SDK1: variants seen among roughly 807,000 people sequenced by gnomAD.
SDK1 encodes the protein protein sidekick-1.
In SDK1, 157 loss-of-function variants were observed where a neutral mutation model predicts 245.5. That is an observed-to-expected ratio of 0.64 (90% CI 0.56 to 0.73). The LOEUF (loss-of-function observed/expected upper bound fraction) is 0.73, where lower values mean the gene tolerates loss of function less well. Among genes scored for constraint, SDK1 ranks in the 30% least tolerant of loss-of-function variants. The pLI is 0.00. For synonymous variants in SDK1, 1,647 were observed against 1,278.5 expected (o/e 1.29, Z -6.15); for missense variants, 3,583 against 3,002.3 (o/e 1.19, Z -4.52).
intron 13 of SDK1, among the ~76,000 whole-genome samples, chr7:3,978,684 G>T (rs776484173): frequency 1.3e-5 from 2 of 152,106 alleles, no homozygotes. Flanking sequence ...AGGGCATTCT[G>T]TCCTTCTTGG....
intron 1 of SDK1, among the ~76,000 whole-genome samples, chr7:3,390,258 T>C (rs1259654625): frequency 6.6e-6 from 1 of 152,190 alleles, no homozygotes; most frequent in Non-Finnish European, 1.5e-5. Context: ...AACTATACTT[T>C]GAATAGCAGG....
intron 26 of SDK1, 94 bp downstream of exon 26, chr7:4,127,590 C>A: frequency 1.1e-6 from 1 of 877,444 alleles, no homozygotes; most frequent in Non-Finnish European, 1.9e-6. Flanking sequence ...GCTTCCTCTT[C>A]TCCTACAGAT....
chr7:3,471,109 G>A (rs1915981), intron 1 of SDK1, among the ~76,000 whole-genome samples: 111,657 of 152,062 alleles, frequency 0.73, 41,522 homozygotes, highest in African/African-American at 0.85. Flanking sequence ...CTATTATTTG[G>A]TAACATTTTG....
intron 1 of SDK1, among the ~76,000 whole-genome samples, chr7:3,573,761 A>G (rs1243598209): frequency 6.6e-6 from 1 of 152,026 alleles, no homozygotes; most frequent in Admixed American, 6.6e-5. Flanking sequence ...TGGCCACATA[A>G]CATTGTGATT....
At chr7:3,806,371 T>TGTCCACATTAGGATGTGGAC (rs1779247043) in intron 4 of SDK1, among the ~76,000 whole-genome samples, 2 of 109,970 alleles carry the variant, frequency 1.8e-5, no homozygotes, top group East Asian at 4.3e-4. Flanking sequence ...AGGATGTGGA[T>TGTCCACATTAGGATGTGGAC]GTCCACATTA....
At chr7:3,632,534 C>G (rs560164148) in intron 2 of SDK1, among the ~76,000 whole-genome samples, 1 of 150,542 alleles carries the variant, frequency 6.6e-6, no homozygotes, top group African/African-American at 2.4e-5. Context: ...ATTCCCAAAA[C>G]CAGTGCTACA....
rs1393061805 is a variant in SDK1 at position 4,245,929 on chromosome 7, G to A, written c.6381+124G>A. On this transcript the variant is annotated intron_variant, in intron 44 of 44. Coordinates refer to ENST00000404826, the MANE Select transcript of SDK1 (RefSeq NM_152744.4). ...TAACATCCCCACAGGCAGAGCCAAG[G>A]ACAAAGGGCTTCATTATGCAGATGA... 3.4e-6 allele frequency: 4 copies of A among 1,172,322 alleles called. 1 individual carries two copies. The highest frequency in any genetic ancestry group is 4.4e-5 in the Admixed American group (2 of 45,702). The allele number at this position is 1,172,322 out of a possible 1,614,324, so 72.6% of individuals were successfully genotyped here. A position where few individuals can be genotyped will look rare whatever the true frequency, so the allele number is the denominator to read the frequency against.
At chr7:3,979,902 C>CT (rs1783263793) in intron 13 of SDK1, among the ~76,000 whole-genome samples, 1 of 152,210 alleles carries the variant, frequency 6.6e-6, no homozygotes, top group African/African-American at 2.4e-5. Flanking sequence ...AAATCAGAGT[C>CT]TAATTCTCAT....
chr7:3,419,647 G>A (rs895984764), intron 1 of SDK1, among the ~76,000 whole-genome samples: 2 of 152,090 alleles, frequency 1.3e-5, no homozygotes, highest in South Asian at 2.1e-4. Context: ...TCACAATGTC[G>A]ATCATATGGG....
chr7:4,157,839 G>T (rs1410065146), intron 30 of SDK1, among the ~76,000 whole-genome samples: 1 of 152,158 alleles, frequency 6.6e-6, no homozygotes, highest in African/African-American at 2.4e-5. Context: ...CCCAGTGAAT[G>T]GTAGGGGTGC....
At chr7:3,876,129 T>G (rs1228921748) in intron 5 of SDK1, among the ~76,000 whole-genome samples, 1 of 152,168 alleles carries the variant, frequency 6.6e-6, no homozygotes, top group Non-Finnish European at 1.5e-5. Context: ...GCTGTTTCCC[T>G]CCAAATTGCC....
In SDK1 at chr7:3,899,554, G is replaced by A. The variant is rs1292979144; in HGVS notation, c.848-51369G>A. Among the ~76,000 whole-genome samples the A allele has an allele frequency of 4.6e-5, 7 of 152,306 alleles. No individual in the cohort carries two copies. In the East Asian group the frequency reaches 7.7e-4, roughly 17 times the overall value. On this transcript the variant is annotated intron_variant, in intron 5 of 44. Transcript: ENST00000404826. The stretch of plus-strand genomic sequence containing the variant: ...GCTCAGAAAGTCCTCAGCTGTCCCC[G>A]GGTGCAGAGTGGGCCCTCCCGAGGT...
At chr7:3,807,354 TG>T (rs1296057752) in intron 4 of SDK1, among the ~76,000 whole-genome samples, 1 of 152,158 alleles carries the variant, frequency 6.6e-6, no homozygotes, top group African/African-American at 2.4e-5. Context: ...TCGGGTGGTG[TG>T]GGGGCTCCCT....
At chr7:4,247,673 C>T (rs1786981739) in intron 44 of SDK1, among the ~76,000 whole-genome samples, 1 of 152,180 alleles carries the variant, frequency 6.6e-6, no homozygotes, top group Non-Finnish European at 1.5e-5. Flanking sequence ...TGGGTGGTTC[C>T]TGTGTGCTGA....
intron 4 of SDK1, among the ~76,000 whole-genome samples, chr7:3,721,839 A>G (rs1457365116): frequency 6.6e-6 from 1 of 152,206 alleles, no homozygotes; most frequent in Non-Finnish European, 1.5e-5. Context: ...TTGGCATAAC[A>G]ACTTCATGAA....
intron 42 of SDK1, among the ~76,000 whole-genome samples, chr7:4,238,550 G>A (rs538683473): frequency 2.0e-5 from 3 of 148,282 alleles, no homozygotes; most frequent in Admixed American, 6.7e-5. Context: ...ACAACAAAGC[G>A]AGATCCTGTC....
chr7:4,107,542 T>C lies in SDK1; in HGVS notation c.3325-3121T>C, dbSNP rs140433840. Among the ~76,000 whole-genome samples, 3 of 152,266 alleles carry C rather than the reference T, an allele frequency of 2.0e-5. No individual in the cohort carries two copies. In the East Asian group the frequency reaches 5.8e-4, roughly 29 times the overall value. ...TTCTCCATGAAATCGCCCAGTGCTTTGGTTTAACACCCAGAGGACTGGTTT... is the reference window on the plus strand; with the variant it reads ...TTCTCCATGAAATCGCCCAGTGCTTCGGTTTAACACCCAGAGGACTGGTTT... On this transcript the variant is annotated intron_variant, in intron 22 of 44. Transcript: ENST00000404826.
intron 5 of SDK1, among the ~76,000 whole-genome samples, chr7:3,875,215 T>C (rs1225713993): frequency 1.3e-5 from 2 of 152,042 alleles, no homozygotes; most frequent in African/African-American, 2.4e-5. Context: ...GTTAGTTTTT[T>C]CCCTGTACCC....
intron 4 of SDK1, among the ~76,000 whole-genome samples, chr7:3,787,486 G>GTAAATACCAA (rs1485192306): frequency 2.0e-5 from 3 of 151,974 alleles, no homozygotes; most frequent in African/African-American, 7.3e-5. Context: ...GTAAAAAGAG[G>GTAAATACCAA]TAAATACCAA....
Sources: allele counts gnomAD v4.1 joint callset (sites outside exome capture counted in the v4.1 genomes callset), GRCh38; gene constraint gnomAD v4.1.1; transcripts MANE v1.5; gene names NCBI Gene and HGNC (gene_info 2026-07-23, HGNC 2026-07-21).